CEP164: variants seen among roughly 807,000 people sequenced by gnomAD.
The protein encoded by CEP164 is centrosomal protein of 164 kDa.
A neutral mutation model predicts 182.7 loss-of-function variants in CEP164; 162 were observed. That is an observed-to-expected ratio of 0.89 (90% CI 0.78 to 1.01). The LOEUF (loss-of-function observed/expected upper bound fraction) is 1.01. Among genes scored for constraint, CEP164 ranks in the 50% least tolerant of loss-of-function variants. CEP164 has a pLI of 0.00. For missense variants in CEP164, 1,735 were observed against 1,790.4 expected (o/e 0.97, Z 0.56); for synonymous variants, 661 against 690.0 (o/e 0.96, Z 0.66).
At chr11:117,342,629 C>T (rs1384432324) in intron 3 of CEP164, among the ~76,000 whole-genome samples, 1 of 152,128 alleles carries the variant, frequency 6.6e-6, no homozygotes, top group African/African-American at 2.4e-5. Flanking sequence ...GCACATGCCA[C>T]CATGCCCGGC....
chr11:117,363,130 AG>A (rs2041194300), intron 7 of CEP164, among the ~76,000 whole-genome samples: 1 of 152,186 alleles, frequency 6.6e-6, no homozygotes, highest in African/African-American at 2.4e-5. Flanking sequence ...AAAAGCAAGA[AG>A]TTTTTTTGGC....
At chr11:117,330,219 C>T (rs1326365524) in intron 1 of CEP164, among the ~76,000 whole-genome samples, 2 of 152,116 alleles carry the variant, frequency 1.3e-5, no homozygotes, top group African/African-American at 4.8e-5. Flanking sequence ...TATGTTACTT[C>T]CTTTAATTCA....
At chr11:117,348,084 C>T (rs2039160192) in intron 4 of CEP164, among the ~76,000 whole-genome samples, 1 of 152,034 alleles carries the variant, frequency 6.6e-6, no homozygotes, top group South Asian at 2.1e-4. Context: ...ATCCTCCCAC[C>T]TCAGCTTCCC....
chr11:117,329,563 A>G (rs1363666822), intron 1 of CEP164, among the ~76,000 whole-genome samples: 1 of 152,046 alleles, frequency 6.6e-6, no homozygotes, highest in Non-Finnish European at 1.5e-5. Context: ...TTGTTTTGAA[A>G]TAGAGTCTTG....
intron 4 of CEP164, among the ~76,000 whole-genome samples, chr11:117,348,381 T>G (rs921304473): frequency 6.6e-6 from 1 of 152,208 alleles, no homozygotes; most frequent in African/African-American, 2.4e-5. Flanking sequence ...TTTGTAGAGT[T>G]GAATTGGCCA....
intron 8 of CEP164, among the ~76,000 whole-genome samples, chr11:117,366,607 T>G (rs546490866): frequency 4.6e-5 from 7 of 152,240 alleles, no homozygotes; most frequent in African/African-American, 1.7e-4. Flanking sequence ...GAGCCTGGGC[T>G]TAGAAATAAC....
intron 5 of CEP164, among the ~76,000 whole-genome samples, chr11:117,361,630 T>C (rs923179930): frequency 8.5e-5 from 13 of 152,160 alleles, no homozygotes; most frequent in Admixed American, 4.6e-4. Context: ...ATGAGACTTA[T>C]GAGAATCAGG....
At position 117,409,127 on chromosome 11, in the gene CEP164, G is replaced by C. The variant is rs2047030883; in HGVS notation, c.3748+99G>C. On this transcript the variant is annotated intron_variant, in intron 29 of 32. Coordinates refer to ENST00000278935, the MANE Select transcript of CEP164 (RefSeq NM_014956.5). The surrounding 1 kb of genome is among the most constrained non-coding windows in gnomAD (Gnocchi z 4.4). ...CTCTCTTCCCTCAGCCCTGCAGAGG[G>C]AGGCCTCTGTGAGCCGGTGTCTGGA... The C allele has an allele frequency of 6.7e-7, 1 of 1,495,400 alleles. No homozygotes were observed. Among genetic ancestry groups the C allele is most frequent in the East Asian group, 2.3e-5 (1 of 42,884 alleles). 92.6% of individuals were successfully genotyped at this position (1,495,400 alleles called of 1,614,324 possible). A position where few individuals can be genotyped will look rare whatever the true frequency, so the allele number is the denominator to read the frequency against.
intron 10 of CEP164, among the ~76,000 whole-genome samples, chr11:117,374,756 A>G (rs1000857760): frequency 2.0e-5 from 3 of 152,252 alleles, no homozygotes; most frequent in Non-Finnish European, 4.4e-5. Context: ...GCAGTCACCC[A>G]TGTGGAGAAA....
chr11:117,362,782 C>T (rs1219145142), intron 7 of CEP164, among the ~76,000 whole-genome samples: 2 of 152,142 alleles, frequency 1.3e-5, no homozygotes, highest in East Asian at 3.9e-4. Flanking sequence ...TTCATCATCC[C>T]AAATAGAAAC....
At chr11:117,351,722 T>TC in intron 4 of CEP164, 68 bp from the exon 5 acceptor site, 19 of 1,469,716 alleles carry the variant, frequency 1.3e-5, no homozygotes, top group Non-Finnish European at 1.8e-5. Flanking sequence ...TTTCTTTTTT[T>TC]CCCCTCTTTT....
At chr11:117,336,490 G>A in intron 2 of CEP164, 2 of 1,499,630 alleles carry the variant, frequency 1.3e-6, no homozygotes, top group Admixed American at 1.8e-5. Context: ...ATTGCCCTGG[G>A]GAACTCCTAG....
At position 117,409,809 on chromosome 11, in the gene CEP164, T is replaced by G; in HGVS notation, c.3940T>G (p.Tyr1314Asp). 1 of 477,840 alleles carries G rather than the reference T, an allele frequency of 2.1e-6. No individual in the cohort carries two copies. Among genetic ancestry groups the G allele is most frequent in the Non-Finnish European group, 3.3e-6 (1 of 303,610 alleles). The allele number at this position is 477,840 out of a possible 1,614,324, so 29.6% of individuals were successfully genotyped here. A position where few individuals can be genotyped will look rare whatever the true frequency, so the allele number is the denominator to read the frequency against. ...CCCTAAGAGCACCCCCACCCCCACCTACTATGGCTCCCTGGCCAGGTTCTC... is the reference window on the plus strand; with the variant it reads ...CCCTAAGAGCACCCCCACCCCCACCGACTATGGCTCCCTGGCCAGGTTCTC... ...RDPKSTPTPT[Y>D]YGSLARFSAL... Residue 1314 changes from tyrosine to aspartate, a missense_variant, in exon 30 of 33, where the codon TAC becomes GAC. Physicochemically the swap from Tyr to Asp is radical, Grantham distance 160. Transcript: ENST00000278935. The surrounding 1 kb of genome is among the most constrained non-coding windows in gnomAD (Gnocchi z 4.4).
chr11:117,343,795 T>C (rs908244244), intron 3 of CEP164, among the ~76,000 whole-genome samples: 16 of 152,030 alleles, frequency 1.1e-4, no homozygotes, highest in African/African-American at 3.4e-4. Context: ...CACGCTGGGC[T>C]AATTTTTGTG....
intron 11 of CEP164, among the ~76,000 whole-genome samples, chr11:117,378,015 C>A (rs1363570024): frequency 6.6e-6 from 1 of 151,996 alleles, no homozygotes. Flanking sequence ...CATCCACCAC[C>A]ATGCCCGGCT....
chr11:117,361,402 G>C (rs1480070446), intron 5 of CEP164, among the ~76,000 whole-genome samples: 1 of 149,482 alleles, frequency 6.7e-6, no homozygotes, highest in Non-Finnish European at 1.5e-5. Context: ...CACCACGCCC[G>C]GCTAATTTTT....
In CEP164 at chr11:117,409,466, T is replaced by G. The variant is rs2047077692; in HGVS notation, c.3749-152T>G. ...TGCACTGTCTGGAACACAGAAGCCC[T>G]GCCATCCCTGACCCCCTCATAAGGT... On this transcript the variant is annotated intron_variant, in intron 29 of 32. Transcript: ENST00000278935. This position sits in a 1 kb window ranked among gnomAD's most constrained non-coding sequence, Gnocchi z 4.4. The G allele has an allele frequency of 2.8e-6, 2 of 705,216 alleles. No individual in the cohort carries two copies. Among genetic ancestry groups the G allele is most frequent in the Non-Finnish European group, 4.8e-6 (2 of 416,718 alleles). The allele number at this position is 705,216 out of a possible 1,614,324, so 43.7% of individuals were successfully genotyped here.
intron 11 of CEP164, among the ~76,000 whole-genome samples, chr11:117,376,746 C>A (rs2042784093): frequency 6.6e-6 from 1 of 152,208 alleles, no homozygotes; most frequent in South Asian, 2.1e-4. Context: ...GTCCAGCTAC[C>A]AGGTCCTTGT....
intron 5 of CEP164, among the ~76,000 whole-genome samples, chr11:117,353,835 G>C (rs2135487379): frequency 6.6e-6 from 1 of 152,240 alleles, no homozygotes; most frequent in East Asian, 1.9e-4. Flanking sequence ...TTCTAGCTCA[G>C]AGGGTCTGTG....
Sources: gnomAD v4.1 joint callset for allele counts (sites outside exome capture counted in the v4.1 genomes callset) on GRCh38, gnomAD v4.1.1 for gene constraint, Gnocchi (gnomAD v3.1) non-coding constraint, MANE v1.5 for transcripts, NCBI Gene and HGNC (gene_info 2026-07-23, HGNC 2026-07-21) for gene names.